SYK: variants seen among roughly 807,000 people sequenced by gnomAD.
The protein encoded by SYK is spleen associated tyrosine kinase, also known as tyrosine-protein kinase SYK.
A neutral mutation model predicts 77.8 loss-of-function variants in SYK; 16 were observed. That is an observed-to-expected ratio of 0.21 (90% CI 0.14 to 0.31). SYK has a LOEUF of 0.31. Ranked by LOEUF, SYK falls within the 10% of genes least tolerant of loss-of-function variation. The pLI, the probability that SYK is intolerant of heterozygous loss-of-function variation, is 1.00. For synonymous variants in SYK, 312 were observed against 308.7 expected, an observed-to-expected ratio of 1.01 and a Z score of -0.11; for missense variants, 529 against 814.4, an observed-to-expected ratio of 0.65 and a Z score of 4.26.
rs144792218 is a variant in SYK at position 90,887,379 on chromosome 9, A to G, written c.1582-370A>G. 5.8e-3 allele frequency among the ~76,000 whole-genome samples: 878 copies of G among 150,458 alleles called. 6 individuals carry two copies. The highest frequency in any genetic ancestry group is 0.014 in the Middle Eastern group (4 of 286). On this transcript the variant is annotated intron_variant, in intron 11 of 13. Transcript: ENST00000375754. ...ATAATGCTGCTATGAACATGAATGT[A>G]CACAATTTTATGCTTTTCTTTCTTT...
intron 3 of SYK, among the ~76,000 whole-genome samples, chr9:90,851,773 T>A (rs1258664995): frequency 6.6e-6 from 1 of 152,210 alleles, no homozygotes; most frequent in African/African-American, 2.4e-5. Flanking sequence ...AAACAAAGCT[T>A]ACTTTATAAA....
chr9:90,863,703 G>A (rs1466634272), intron 4 of SYK, among the ~76,000 whole-genome samples: 2 of 152,200 alleles, frequency 1.3e-5, no homozygotes, highest in Non-Finnish European at 1.5e-5. Flanking sequence ...ACATCAGGGA[G>A]GTGAGTAGGG....
intron 1 of SYK, among the ~76,000 whole-genome samples, chr9:90,803,533 C>T (rs561663647): frequency 3.3e-5 from 5 of 151,994 alleles, no homozygotes; most frequent in Admixed American, 1.3e-4. Context: ...TTGGTAGAAA[C>T]GTTATTTTAT....
intron 8 of SYK, 147 bp from the exon 9 acceptor site, chr9:90,874,525 A>G (rs1827855114): frequency 2.7e-6 from 3 of 1,098,992 alleles, no homozygotes; most frequent in African/African-American, 1.6e-5. Flanking sequence ...GACGTTGGAA[A>G]TGTCCCTGCC....
At chr9:90,885,347 A>C (rs1414382783) in intron 11 of SYK, among the ~76,000 whole-genome samples, 1 of 152,156 alleles carries the variant, frequency 6.6e-6, no homozygotes, top group Non-Finnish European at 1.5e-5. Flanking sequence ...AAAGAACCAA[A>C]CAGAAATTCT....
chr9:90,829,605 C>A (rs1825805186), intron 1 of SYK, among the ~76,000 whole-genome samples: 1 of 152,200 alleles, frequency 6.6e-6, no homozygotes, highest in Non-Finnish European at 1.5e-5. Context: ...TCCTTATTCT[C>A]TTACTTTCGT....
At chr9:90,886,721 GA>G (rs376166090) in intron 11 of SYK, among the ~76,000 whole-genome samples, 3 of 150,578 alleles carry the variant, frequency 2.0e-5, no homozygotes, top group East Asian at 1.9e-4. Context: ...ACAAAAAGAA[GA>G]AAAAAAAACT....
At chr9:90,889,357 C>G (rs1828701595) in intron 13 of SYK, among the ~76,000 whole-genome samples, 1 of 152,218 alleles carries the variant, frequency 6.6e-6, no homozygotes, top group South Asian at 2.1e-4. Context: ...ACTGTGCACA[C>G]AGAGCCCACA....
intron 1 of SYK, among the ~76,000 whole-genome samples, chr9:90,808,163 C>T (rs1824917390): frequency 6.6e-6 from 1 of 152,068 alleles, no homozygotes; most frequent in Admixed American, 6.5e-5. Flanking sequence ...TTCATGAAAC[C>T]ATCAGGTTAA....
chr9:90,874,709 G>A lies in SYK; in HGVS notation c.1041G>A (p.Val347=), dbSNP rs1564112609. ...AAGCCCTACCCATGGACACAGAGGT[G>A]TACGAGAGCCCCTACGCGGACCCCG... The part of the protein sequence containing the change: ...QREALPMDTE[V]YESPYADPEE... Residue 347 remains valine (V), a synonymous_variant, in exon 9 of 14, where the codon GTG becomes GTA. Coordinates refer to ENST00000375754, the MANE Select transcript of SYK (RefSeq NM_003177.7). 6.2e-7 allele frequency: 1 copy of A among 1,614,152 alleles called. No individual in the cohort carries two copies. Among genetic ancestry groups the A allele is most frequent in the Non-Finnish European group, 8.5e-7 (1 of 1,180,020 alleles).
chr9:90,862,291 A>T lies in SYK; in HGVS notation c.664A>T (p.Lys222Ter). Reference protein sequence around the residue: ...KVLHYRIDKDKTGKLSIPEGK... With the variant: ...KVLHYRIDKD ...GCTGCACTATCGCATCGACAAAGAC[A>T]AGACAGGGAAGCTCTCCATCCCCGA... Residue 222 changes from lysine to a stop codon, truncating the protein, a stop_gained, in exon 4 of 14, where the codon AAG (lysine) becomes TAG (stop). Transcript: ENST00000375754. LOFTEE classifies it high-confidence loss of function. The T allele has an allele frequency of 6.2e-7, 1 of 1,614,134 alleles. No individual in the cohort carries two copies. The highest frequency in any genetic ancestry group is 8.5e-7 in the Non-Finnish European group (1 of 1,179,994).
At chr9:90,819,692 T>C (rs1183547404) in intron 1 of SYK, among the ~76,000 whole-genome samples, 2 of 152,094 alleles carry the variant, frequency 1.3e-5, no homozygotes, top group Admixed American at 6.5e-5. Context: ...ACAATTCAAG[T>C]TGAGATTTGG....
At chr9:90,842,383 G>A (rs911338506) in intron 1 of SYK, among the ~76,000 whole-genome samples, 2 of 151,010 alleles carry the variant, frequency 1.3e-5, no homozygotes, top group Non-Finnish European at 3.0e-5. Flanking sequence ...TGTGTGTAGT[G>A]CGCATGTAGT....
chr9:90,865,018 G>A (rs1264344789), intron 5 of SYK, 30 bp from the exon 6 acceptor site: 4 of 1,611,946 alleles, frequency 2.5e-6, no homozygotes, highest in African/African-American at 2.7e-5. Flanking sequence ...CTCAGATAGA[G>A]CAGTAATTGT....
In SYK at chr9:90,884,403, A is replaced by ATG. The variant is rs200309243; in HGVS notation, c.1582-3342_1582-3341dup. Among the ~76,000 whole-genome samples the ATG allele has an allele frequency of 3.4e-3, 84 of 24,626 alleles. 12 individuals carry two copies. Among genetic ancestry groups the ATG allele is most frequent in the African/African-American group, 0.012 (54 of 4,434 alleles). 16.2% of individuals were successfully genotyped at this position (24,626 alleles called of 152,430 possible). A position where few individuals can be genotyped will look rare whatever the true frequency, so the allele number is the denominator to read the frequency against. ...CGTGTATATATGCATACATACACAT[A>ATG]TGTGTATATATACATACATATACAC... On this transcript the variant is annotated intron_variant, in intron 11 of 13. Coordinates refer to ENST00000375754, the MANE Select transcript of SYK (RefSeq NM_003177.7).
At chr9:90,806,163 A>C (rs1824825701) in intron 1 of SYK, among the ~76,000 whole-genome samples, 1 of 152,056 alleles carries the variant, frequency 6.6e-6, no homozygotes, top group African/African-American at 2.4e-5. Flanking sequence ...CTTAGTTTGC[A>C]CTGTGCCTAT....
chr9:90,832,732 G>T (rs574115202), intron 1 of SYK, among the ~76,000 whole-genome samples: 1 of 151,998 alleles, frequency 6.6e-6, no homozygotes. Flanking sequence ...TGCTTCTCTC[G>T]CCCAACTCCA....
chr9:90,874,515 G>A (rs936100311), intron 8 of SYK, among the ~76,000 whole-genome samples, 157 bp from the exon 9 acceptor site: 2 of 152,142 alleles, frequency 1.3e-5, no homozygotes, highest in African/African-American at 2.4e-5. Context: ...CTCACCCAAC[G>A]ACGTTGGAAA....
intron 13 of SYK, among the ~76,000 whole-genome samples, chr9:90,892,055 A>C (rs1283836310): frequency 1.3e-5 from 2 of 152,212 alleles, no homozygotes; most frequent in Non-Finnish European, 2.9e-5. Context: ...CAGATTAACA[A>C]AAGAAAAGCT....
Sources: gnomAD v4.1 joint callset for allele counts (sites outside exome capture counted in the v4.1 genomes callset) on GRCh38, gnomAD v4.1.1 for gene constraint, MANE v1.5 for transcripts, NCBI Gene and HGNC (gene_info 2026-07-23, HGNC 2026-07-21) for gene names.